Variants in KASH5 observed in about 807,000 individuals in gnomAD.
The protein encoded by KASH5 is protein KASH5.
KASH5 carries 72 observed loss-of-function variants against 84.2 expected under a neutral mutation model. The observed-to-expected ratio is 0.85, with a 90% CI of 0.71 to 1.04. The LOEUF (loss-of-function observed/expected upper bound fraction) is 1.04. Among genes scored for constraint, KASH5 ranks in the 50% least tolerant of loss-of-function variants. The probability of loss-of-function intolerance (pLI) is 0.00; values close to 1 mark genes in which losing one functional copy is unlikely to be tolerated. For missense variants in KASH5, 650 were observed against 701.0 expected, an observed-to-expected ratio of 0.93 and a Z score of 0.82; for synonymous variants, 260 against 279.1, an observed-to-expected ratio of 0.93 and a Z score of 0.68.
At chr19:49,406,338 C>T (rs1285190576) in intron 9 of KASH5, among the ~76,000 whole-genome samples, 1 of 152,154 alleles carries the variant, frequency 6.6e-6, no homozygotes, top group Non-Finnish European at 1.5e-5. Flanking sequence ...CTAATCTTTA[C>T]AGCAATCCCA....
rs1974654298 is a variant in KASH5, at chr19:49,409,794, T to C, written c.1188T>C (p.Cys396=). The stretch of plus-strand genomic sequence containing the variant: ...CTGCTGATCTCTCCAACCCTCTGTG[T>C]GGGGTGTGGCAGTGGGAGGAAGTCA... ...VATADLSNPL[C]GVWQWEEVIH... Residue 396 remains cysteine, a synonymous_variant, in exon 15 of 20, where the codon TGT becomes TGC. Coordinates refer to ENST00000447857, the MANE Select transcript of KASH5 (RefSeq NM_144688.5). 6.2e-7 allele frequency: 1 copy of C among 1,613,856 alleles called. No individual in the cohort carries two copies. The highest frequency in any genetic ancestry group is 8.5e-7 in the Non-Finnish European group (1 of 1,179,868).
chr19:49,391,152 G>A (rs1289564465), intron 2 of KASH5, among the ~76,000 whole-genome samples: 1 of 152,152 alleles, frequency 6.6e-6, no homozygotes, highest in Non-Finnish European at 1.5e-5. Flanking sequence ...GCTGGACTGT[G>A]TGAGAGCGCA....
chr19:49,397,905 C>G, intron 6 of KASH5, 77 bp from the exon 7 acceptor site: 1 of 1,539,734 alleles, frequency 6.5e-7, no homozygotes, highest in Non-Finnish European at 8.8e-7. Context: ...CATCTCCCCA[C>G]CACCAGCACC....
chr19:49,414,948 C>T lies in KASH5; in HGVS notation c.1329-3C>T, dbSNP rs774204458. On this transcript the variant is annotated splice_polypyrimidine_tract_variant and splice_region_variant and intron_variant, in intron 16 of 19. Transcript: ENST00000447857. This position sits in a 1 kb window ranked among gnomAD's most constrained non-coding sequence, Gnocchi z 4.5. The stretch of plus-strand genomic sequence containing the variant: ...AGCCAGCAGTGACTTTGTTGGCCCT[C>T]AGGTTGACCAGAAGAGAGGAAGAGG... The T allele has an allele frequency of 1.9e-6, 3 of 1,612,466 alleles. No homozygotes were observed. The East Asian group carries it at 6.7e-5, about 36-fold the overall frequency.
chr19:49,402,201 C>A (rs1974382837), intron 9 of KASH5, among the ~76,000 whole-genome samples: 1 of 150,720 alleles, frequency 6.6e-6, no homozygotes, highest in Admixed American at 6.6e-5. Context: ...AAGATGGTAC[C>A]AGTGTACTCC....
chr19:49,394,490 C>T lies in KASH5; in HGVS notation c.58C>T (p.Arg20Trp), dbSNP rs769812920. The change falls in exon 3 of 20, where the codon CGG becomes TGG. Residue 20 changes from arginine to tryptophan, a missense_variant. Physicochemically the swap from Arg to Trp is moderately radical, Grantham distance 101. Transcript: ENST00000447857. Reference sequence around the variant, plus strand: ...TGTCTCCCCAGTGTACCTCCGGGAGCGGCCTGAGGAGGCAAGGCTGGGAAT... The same window carrying T: ...TGTCTCCCCAGTGTACCTCCGGGAGTGGCCTGAGGAGGCAAGGCTGGGAAT... ...GPTAEMYLRE[R>W]PEEARLGMPV... is the part of the protein sequence containing the mutation. 5.1e-5 allele frequency: 83 copies of T among 1,613,458 alleles called. No individual in the cohort carries two copies. The highest frequency in any genetic ancestry group is 6.7e-5 in the Non-Finnish European group (79 of 1,179,656).
At position 49,414,121 on chromosome 19, in the gene KASH5, A is replaced by AGGG. The variant is rs948577722; in HGVS notation, c.1329-828_1329-826dup. On this transcript the variant is annotated intron_variant, in intron 16 of 19. Transcript: ENST00000447857. The surrounding 1 kb of genome is among the most constrained non-coding windows in gnomAD (Gnocchi z 4.5). ...GGACTCAGATGGCTGTGACCCTAGGAGGGGCCTCCCTAGGAGCCTCCCGCC... is the reference window on the plus strand; with the variant it reads ...GGACTCAGATGGCTGTGACCCTAGGAGGGGGGGCCTCCCTAGGAGCCTCCCGCC... Among the ~76,000 whole-genome samples, 1 of 151,876 alleles carries AGGG rather than the reference A, an allele frequency of 6.6e-6. No homozygotes were observed. The highest frequency in any genetic ancestry group is 2.4e-5 in the African/African-American group (1 of 41,334).
intron 1 of KASH5, chr19:49,388,550 G>C (rs1278324036): frequency 6.6e-6 from 1 of 152,174 alleles, no homozygotes; most frequent in Non-Finnish European, 1.5e-5. Flanking sequence ...AAATTAGCCA[G>C]GCGTAGTGGC....
chr19:49,406,091 G>T (rs1350665971), intron 9 of KASH5, among the ~76,000 whole-genome samples: 1 of 146,704 alleles, frequency 6.8e-6, no homozygotes. Context: ...TCGCACCATT[G>T]CATGCCAGCC....
chr19:49,397,908 C>T, intron 6 of KASH5, 74 bp from the exon 7 acceptor site: 8 of 1,548,960 alleles, frequency 5.2e-6, no homozygotes, highest in Non-Finnish European at 7.0e-6. Flanking sequence ...CTCCCCACCA[C>T]CAGCACCTAC....
At chr19:49,410,766 G>A (rs1974685071) in intron 15 of KASH5, among the ~76,000 whole-genome samples, 1 of 152,114 alleles carries the variant, frequency 6.6e-6, no homozygotes, top group South Asian at 2.1e-4. Context: ...GGGATTACAG[G>A]CATGAGCCAC....
chr19:49,391,523 A>G (rs1974003849), intron 2 of KASH5, among the ~76,000 whole-genome samples: 1 of 152,244 alleles, frequency 6.6e-6, no homozygotes, highest in Non-Finnish European at 1.5e-5. Flanking sequence ...TTATATATGT[A>G]TACAGGATAT....
chr19:49,392,969 C>T (rs1974051307), intron 2 of KASH5, among the ~76,000 whole-genome samples: 1 of 141,832 alleles, frequency 7.1e-6, no homozygotes. Context: ...CCCTGGTCTC[C>T]CCCTAACTGT....
chr19:49,404,227 G>A lies in KASH5; in HGVS notation c.799-2659G>A, dbSNP rs535921047. ...GAGGGAGGGAGAGGCTGGCCTTGGTGTATCCCCTGGAGTGCCAAGAGGAGG... is the reference window on the plus strand; with the variant it reads ...GAGGGAGGGAGAGGCTGGCCTTGGTATATCCCCTGGAGTGCCAAGAGGAGG... On this transcript the variant is annotated intron_variant, in intron 9 of 19. Coordinates refer to ENST00000447857, the MANE Select transcript of KASH5 (RefSeq NM_144688.5). Among the ~76,000 whole-genome samples, 198 of 152,322 alleles carry A rather than the reference G, an allele frequency of 1.3e-3. 2 individuals are homozygous for A. The South Asian group carries it at 0.015, about 11-fold the overall frequency.
At chr19:49,413,970 T>TGGC (rs1200371000) in intron 16 of KASH5, among the ~76,000 whole-genome samples, 1 of 151,990 alleles carries the variant, frequency 6.6e-6, no homozygotes, top group Non-Finnish European at 1.5e-5. Context: ...CTGGTGGTGG[T>TGGC]GGCAACTGCA....
At chr19:49,398,994 G>A (rs755659331) in intron 7 of KASH5, 31 bp from the exon 8 acceptor site, 26 of 1,501,898 alleles carry the variant, frequency 1.7e-5, no homozygotes, top group Middle Eastern at 1.7e-4. Context: ...CCTCCCTCTC[G>A]TATGGCTCAT....
chr19:49,390,887 G>A lies in KASH5; in HGVS notation c.4G>A (p.Asp2Asn). 1 of 1,600,028 alleles carries A rather than the reference G, an allele frequency of 6.2e-7. No individual in the cohort carries two copies. The highest frequency in any genetic ancestry group is 1.1e-5 in the South Asian group (1 of 89,438). The change falls in exon 2 of 20, where the codon GAC becomes AAC. Residue 2 changes from aspartate to asparagine, a missense_variant. Coordinates refer to ENST00000447857, the MANE Select transcript of KASH5 (RefSeq NM_144688.5). M[D>N]LPEGPVGGPT... ...TGCGCCGCGGCAGGGGTGGCCCATG[G>A]ACCTGCCCGAGGGCCCGGTGGGTGG...
chr19:49,407,110 C>T (rs1974550688), intron 10 of KASH5, 130 bp from the exon 11 acceptor site: 1 of 1,309,146 alleles, frequency 7.6e-7, no homozygotes, highest in Non-Finnish European at 1.1e-6. Flanking sequence ...CCCTAAAATC[C>T]CTGAAGTCCT....
In KASH5 at chr19:49,395,940, A is replaced by C; in HGVS notation, c.400+107A>C. 1.2e-6 allele frequency: 1 copy of C among 860,404 alleles called. No individual in the cohort carries two copies. The highest frequency in any genetic ancestry group is 1.5e-5 in the South Asian group (1 of 67,954). 53.3% of individuals were successfully genotyped at this position (860,404 alleles called of 1,614,324 possible). ...GATAGGGTAGGAACCAGGGACCTTT[A>C]CTGTAGACTAGAGCTGTGAGTGTGG... is the stretch of plus-strand genomic sequence containing the variant. On this transcript the variant is annotated intron_variant, in intron 5 of 19. Transcript: ENST00000447857. This position sits in a 1 kb window ranked among gnomAD's most constrained non-coding sequence, Gnocchi z 4.4.
Sources: allele counts gnomAD v4.1 joint callset (sites outside exome capture counted in the v4.1 genomes callset), GRCh38; gene constraint gnomAD v4.1.1; non-coding constraint Gnocchi (gnomAD v3.1); transcripts MANE v1.5; gene names NCBI Gene and HGNC (gene_info 2026-07-23, HGNC 2026-07-21).